ESRRG: variants seen among roughly 807,000 people sequenced by gnomAD.
ESRRG encodes the protein estrogen related receptor gamma.
Under a neutral mutation model 44.0 loss-of-function variants are expected in ESRRG, and 13 were observed. That is an observed-to-expected ratio of 0.30 (90% CI 0.19 to 0.47). The LOEUF is 0.47. Among genes scored for constraint, ESRRG ranks in the 20% least tolerant of loss-of-function variants. The pLI, the probability that ESRRG is intolerant of heterozygous loss-of-function variation, is 1.00. For missense variants in ESRRG, 395 were observed against 580.6 expected (o/e 0.68, Z 3.29); for synonymous variants, 215 against 214.6 (o/e 1.00, Z -0.02).
At chr1:217,106,389 TATGCACAC>T (rs1387140793) in intron 1 of ESRRG, among the ~76,000 whole-genome samples, 3 of 145,138 alleles carry the variant, frequency 2.1e-5, no homozygotes, top group Non-Finnish European at 3.0e-5. Context: ...CACACTCACA[TATGCACAC>T]ACACACACAC....
At chr1:216,666,054 C>T (rs960120242) in intron 2 of ESRRG, among the ~76,000 whole-genome samples, 2 of 152,136 alleles carry the variant, frequency 1.3e-5, no homozygotes, top group African/African-American at 4.8e-5. Context: ...TTACTCATGT[C>T]AAAATTCTGA....
intron 2 of ESRRG, among the ~76,000 whole-genome samples, chr1:216,847,256 C>T (rs1317875676): frequency 1.3e-5 from 2 of 152,068 alleles, no homozygotes; most frequent in Non-Finnish European, 2.9e-5. Flanking sequence ...CTAAAGTTTT[C>T]AAGTAATGTT....
At chr1:216,853,573 A>G (rs1374818212) in intron 2 of ESRRG, among the ~76,000 whole-genome samples, 2 of 152,060 alleles carry the variant, frequency 1.3e-5, no homozygotes, top group Non-Finnish European at 2.9e-5. Context: ...AGAACCCTCA[A>G]TGGTCCCACA....
At chr1:216,939,605 C>T (rs946304391) in exon 2 of ESRRG, 5 of 151,594 alleles carry the variant, frequency 3.3e-5, no homozygotes, top group Non-Finnish European at 5.9e-5. Flanking sequence ...ACAGTGTTAG[C>T]GTAGGATTTT....
chr1:216,567,170 C>T (rs2059822537), intron 4 of ESRRG, among the ~76,000 whole-genome samples: 1 of 152,190 alleles, frequency 6.6e-6, no homozygotes, highest in Non-Finnish European at 1.5e-5. Flanking sequence ...TTCACCAAAG[C>T]GCTCCTCCAT....
intron 2 of ESRRG, among the ~76,000 whole-genome samples, chr1:216,858,038 A>G (rs2095981198): frequency 6.6e-6 from 1 of 152,202 alleles, no homozygotes; most frequent in Non-Finnish European, 1.5e-5. Flanking sequence ...TCATTTGTAA[A>G]ATAATGAGAA....
chr1:217,047,189 C>A (rs1013653289), intron 1 of ESRRG, among the ~76,000 whole-genome samples: 2 of 152,046 alleles, frequency 1.3e-5, no homozygotes, highest in African/African-American at 4.8e-5. Context: ...TAATACCCAT[C>A]TACCAACTTT....
At chr1:216,951,183 A>G (rs2066889205) in intron 1 of ESRRG, among the ~76,000 whole-genome samples, 3 of 152,202 alleles carry the variant, frequency 2.0e-5, no homozygotes. Context: ...AAGTGTCAAT[A>G]CTGATGTCAC....
At chr1:216,697,801 C>A (rs2080482607) in intron 1 of ESRRG, among the ~76,000 whole-genome samples, 1 of 152,200 alleles carries the variant, frequency 6.6e-6, no homozygotes, top group Admixed American at 6.5e-5. Context: ...CTACATTCAA[C>A]CATCTTAGCC....
upstream of ESRRG, among the ~76,000 whole-genome samples, chr1:216,727,520 T>G (rs2087789029): frequency 6.6e-6 from 1 of 152,122 alleles, no homozygotes; most frequent in Non-Finnish European, 1.5e-5. Context: ...GCTATAAACC[T>G]GCTTAAGAAC....
At chr1:216,576,846 T>C (rs1410030777) in intron 3 of ESRRG, among the ~76,000 whole-genome samples, 1 of 148,136 alleles carries the variant, frequency 6.8e-6, no homozygotes, top group Admixed American at 6.8e-5. Context: ...AGGTGACAAG[T>C]TTTAATTGAA....
chr1:216,587,878 T>C (rs1465843635), intron 3 of ESRRG, among the ~76,000 whole-genome samples: 2 of 152,152 alleles, frequency 1.3e-5, no homozygotes, highest in Non-Finnish European at 2.9e-5. Flanking sequence ...ATTGCTGAAG[T>C]GTGTCAATTT....
At chr1:216,803,248 A>G (rs7543938) in intron 2 of ESRRG, among the ~76,000 whole-genome samples, 59,877 of 152,016 alleles carry the variant, frequency 0.39, 12,977 homozygotes, top group Non-Finnish European at 0.48. Context: ...CAATTAAAAT[A>G]GCACATCCAC....
chr1:216,668,481 A>T (rs1433437542), intron 2 of ESRRG, among the ~76,000 whole-genome samples: 1 of 152,334 alleles, frequency 6.6e-6, no homozygotes, highest in South Asian at 2.1e-4. Flanking sequence ...ATCACACCAG[A>T]GATTCTTTTT....
intron 5 of ESRRG, among the ~76,000 whole-genome samples, chr1:216,534,587 GT>G (rs1225077070): frequency 6.6e-6 from 1 of 152,058 alleles, no homozygotes; most frequent in Non-Finnish European, 1.5e-5. Context: ...TAACTAAAAC[GT>G]TTGTAGTTCA....
intron 3 of ESRRG, among the ~76,000 whole-genome samples, chr1:216,635,184 G>A (rs1373985328): frequency 6.6e-6 from 1 of 152,288 alleles, no homozygotes; most frequent in Non-Finnish European, 1.5e-5. Flanking sequence ...GTCAATACAA[G>A]GGTGGAAAGG....
intron 6 of ESRRG, among the ~76,000 whole-genome samples, chr1:216,515,832 C>A (rs1572062486): frequency 6.6e-6 from 1 of 151,934 alleles, no homozygotes; most frequent in South Asian, 2.1e-4. Context: ...GCTTAAACTG[C>A]TTTTAATCTT....
At chr1:217,005,306 A>G (rs1259477062) in intron 1 of ESRRG, among the ~76,000 whole-genome samples, 2 of 152,200 alleles carry the variant, frequency 1.3e-5, no homozygotes, top group African/African-American at 4.8e-5. Flanking sequence ...TAGTCCAAGC[A>G]CACAGCTAAA....
chr1:216,972,293 C>A (rs1260861773), intron 1 of ESRRG, among the ~76,000 whole-genome samples: 1 of 152,112 alleles, frequency 6.6e-6, no homozygotes, highest in East Asian at 1.9e-4. Flanking sequence ...GTTGGCTTGG[C>A]TAATTAGGCT....
Sources: allele counts gnomAD v4.1 joint callset (sites outside exome capture counted in the v4.1 genomes callset), GRCh38; gene constraint gnomAD v4.1.1; transcripts MANE v1.5; gene names NCBI Gene and HGNC (gene_info 2026-07-23, HGNC 2026-07-21).